TENM2: variants seen among roughly 807,000 people sequenced by gnomAD.
TENM2 encodes teneurin transmembrane protein 2.
A neutral mutation model predicts 245.2 loss-of-function variants in TENM2; 52 were observed. The observed-to-expected ratio is 0.21, with a 90% CI of 0.17 to 0.27. The LOEUF (loss-of-function observed/expected upper bound fraction) is 0.27. TENM2 is among the 10% of genes least tolerant of loss of function. The pLI is 1.00. For synonymous variants in TENM2, 1,363 were observed against 1,438.9 expected (o/e 0.95, Z 1.19); for missense variants, 3,046 against 3,666.8 (o/e 0.83, Z 4.37).
rs192281706 is a variant in TENM2 at position 167,417,588 on chromosome 5, G to A, written c.502+42115G>A. On this transcript the variant is annotated intron_variant, in intron 2 of 28. Transcript: ENST00000518659. ...ATAATTGTAATTTATAAATTTTTGT[G>A]CCAGGTACTGTGCTAAGTGCTTTCC... 3.9e-4 allele frequency among the ~76,000 whole-genome samples: 59 copies of A among 152,126 alleles called. No individual in the cohort carries two copies. The East Asian group carries it at 0.01, about 27-fold the overall frequency.
At chr5:167,148,981 A>G in the TENM2 span, among the ~76,000 whole-genome samples, 1 of 152,106 alleles carries the variant, frequency 6.6e-6, no homozygotes, top group Admixed American at 6.6e-5. Context: ...TATAAGTTAT[A>G]TTAGGATGAC....
At chr5:167,747,893 T>C (rs1161899062) in intron 2 of TENM2, among the ~76,000 whole-genome samples, 1 of 152,166 alleles carries the variant, frequency 6.6e-6, no homozygotes, top group Non-Finnish European at 1.5e-5. Context: ...AGTCCCTCTC[T>C]CTCTATTTTC....
At chr5:168,209,988 G>T (rs1047989005) in intron 19 of TENM2, among the ~76,000 whole-genome samples, 1 of 152,182 alleles carries the variant, frequency 6.6e-6, no homozygotes, top group Admixed American at 6.5e-5. Context: ...GTGAAGAAGA[G>T]CTAATCCATC....
chr5:167,916,438 T>A (rs1431365091), intron 3 of TENM2, among the ~76,000 whole-genome samples: 3 of 152,158 alleles, frequency 2.0e-5, no homozygotes, highest in Non-Finnish European at 4.4e-5. Context: ...TCTCCCCCAC[T>A]GCTCGGTGGT....
the TENM2 span, among the ~76,000 whole-genome samples, chr5:167,245,615 G>A: frequency 6.6e-6 from 1 of 151,412 alleles, no homozygotes. Flanking sequence ...TCAAAAACCT[G>A]ATTATTGAGT....
intron 13 of TENM2, among the ~76,000 whole-genome samples, chr5:168,179,694 A>T (rs1759683977): frequency 6.6e-6 from 1 of 152,224 alleles, no homozygotes; most frequent in Non-Finnish European, 1.5e-5. Context: ...TGCAGCAAAC[A>T]GGGTCCAAAA....
In TENM2 at chr5:167,958,468, G is replaced by A. The variant is rs112114160; in HGVS notation, c.947+5646G>A. Among the ~76,000 whole-genome samples, 11 of 152,230 alleles carry A rather than the reference G, an allele frequency of 7.2e-5. 1 individual carries two copies. Among genetic ancestry groups the A allele is most frequent in the African/African-American group, 2.4e-4 (10 of 41,538 alleles). On this transcript the variant is annotated intron_variant, in intron 4 of 28. Transcript: ENST00000518659. The stretch of plus-strand genomic sequence containing the variant: ...CTGTGTCTTTTAATTGGGGCATCTA[G>A]CCTCTTTACATTTAGGGTTAATATT...
exon 6 of TENM2, chr5:168,047,432 C>T: frequency 6.4e-7 from 1 of 1,551,726 alleles, no homozygotes; most frequent in Non-Finnish European, 8.7e-7. Context: ...TGCAGCAATG[C>T]ATCTGCTCGG....
intron 1 of TENM2, among the ~76,000 whole-genome samples, chr5:167,331,235 C>CAAAAAAAAAAAAAAAAAATAAAA (rs34787036): frequency 1.2e-5 from 1 of 85,610 alleles, no homozygotes; most frequent in African/African-American, 4.9e-5. Context: ...GACTCTGTCT[C>CAAAAAAAAAAAAAAAAAATAAAA]AAAAAAAAAA....
chr5:167,292,995 G>A (rs545576725), intron 1 of TENM2, among the ~76,000 whole-genome samples: 16 of 152,200 alleles, frequency 1.1e-4, no homozygotes, highest in Non-Finnish European at 1.8e-4. Context: ...TGTCAAAGAA[G>A]TGTAGGTTGG....
intron 4 of TENM2, among the ~76,000 whole-genome samples, chr5:167,978,380 A>T (rs567008341): frequency 1.3e-5 from 2 of 152,318 alleles, no homozygotes; most frequent in East Asian, 3.9e-4. Flanking sequence ...ACGTTCATCA[A>T]TGGATGAATG....
intron 2 of TENM2, among the ~76,000 whole-genome samples, chr5:167,431,924 T>TAC (rs1377249420): frequency 8.1e-6 from 1 of 123,474 alleles, no homozygotes; most frequent in Non-Finnish European, 1.7e-5. Flanking sequence ...GATATATATA[T>TAC]ATACATATAT....
At chr5:167,129,567 C>G in the TENM2 span, among the ~76,000 whole-genome samples, 1 of 152,174 alleles carries the variant, frequency 6.6e-6, no homozygotes, top group Non-Finnish European at 1.5e-5. Flanking sequence ...TGAATTCGAG[C>G]CTCTCCTCTG....
intron 2 of TENM2, among the ~76,000 whole-genome samples, chr5:167,834,046 G>A (rs1040127731): frequency 4.6e-5 from 7 of 152,140 alleles, no homozygotes; most frequent in Non-Finnish European, 7.3e-5. Context: ...AACTTGTCAG[G>A]CAAGGACCTT....
intron 2 of TENM2, among the ~76,000 whole-genome samples, chr5:167,448,517 C>T (rs1765369643): frequency 6.8e-6 from 1 of 148,136 alleles, no homozygotes; most frequent in Non-Finnish European, 1.5e-5. Flanking sequence ...ATCTTGCTAT[C>T]TCGTATGTTA....
intron 1 of TENM2, among the ~76,000 whole-genome samples, chr5:167,342,952 A>G (rs918292668): frequency 9.2e-5 from 14 of 151,602 alleles, no homozygotes; most frequent in Admixed American, 3.3e-4. Flanking sequence ...GAGTATTTAC[A>G]TAAATGATTT....
intron 2 of TENM2, among the ~76,000 whole-genome samples, chr5:167,563,524 A>G (rs1273875769): frequency 6.6e-6 from 1 of 152,126 alleles, no homozygotes; most frequent in African/African-American, 2.4e-5. Flanking sequence ...TACAGAGTCT[A>G]TCCAATCTCA....
intron 2 of TENM2, among the ~76,000 whole-genome samples, chr5:167,752,220 G>T (rs1762004528): frequency 6.7e-6 from 1 of 150,088 alleles, no homozygotes; most frequent in Non-Finnish European, 1.5e-5. Flanking sequence ...TCAGCCTCCT[G>T]AGTAGCTGGG....
chr5:167,570,325 C>T (rs1484402453), intron 2 of TENM2, among the ~76,000 whole-genome samples: 1 of 150,448 alleles, frequency 6.6e-6, no homozygotes, highest in East Asian at 2.0e-4. Flanking sequence ...TTTCAATTGA[C>T]CAATCAATAA....
Sources: allele counts gnomAD v4.1 joint callset (sites outside exome capture counted in the v4.1 genomes callset), GRCh38; gene constraint gnomAD v4.1.1; transcripts MANE v1.5; gene names NCBI Gene and HGNC (gene_info 2026-07-23, HGNC 2026-07-21).